Variants in CCSER1 observed in about 807,000 individuals in gnomAD.
The protein encoded by CCSER1 is coiled-coil serine rich protein 1.
A neutral mutation model predicts 82.0 loss-of-function variants in CCSER1; 41 were observed. The ratio of observed to expected loss-of-function variants is 0.50; its 90% CI spans 0.39 to 0.65. CCSER1 has a LOEUF of 0.65. Ranked by LOEUF, CCSER1 falls within the 30% of genes least tolerant of loss-of-function variation. The pLI is 0.00. For missense variants in CCSER1, 1,119 were observed against 1,064.2 expected (o/e 1.05, Z -0.72); for synonymous variants, 414 against 383.9 (o/e 1.08, Z -0.92).
intron 6 of CCSER1, among the ~76,000 whole-genome samples, chr4:90,674,285 C>A (rs2149166921): frequency 6.6e-6 from 1 of 152,026 alleles, no homozygotes; most frequent in African/African-American, 2.4e-5. Context: ...CCAGAGGAAT[C>A]ATTTACTCTT....
chr4:91,572,823 AAAG>A (rs1237442989), intron 10 of CCSER1, among the ~76,000 whole-genome samples: 11 of 152,068 alleles, frequency 7.2e-5, no homozygotes, highest in Middle Eastern at 3.4e-3. Flanking sequence ...AAAAAAAAAA[AAAG>A]AAGAAGCCTG....
chr4:90,827,928 A>G (rs1760673999), intron 8 of CCSER1, among the ~76,000 whole-genome samples: 1 of 152,152 alleles, frequency 6.6e-6, no homozygotes, highest in South Asian at 2.1e-4. Flanking sequence ...CCGAGGGGGA[A>G]GGGGATGTAG....
chr4:90,314,598 A>T (rs959107670), intron 3 of CCSER1, among the ~76,000 whole-genome samples: 3 of 151,900 alleles, frequency 2.0e-5, no homozygotes, highest in African/African-American at 7.3e-5. Flanking sequence ...CTAAAAAAAA[A>T]TTTAATAATT....
chr4:90,914,499 G>A (rs140530299), intron 8 of CCSER1, among the ~76,000 whole-genome samples: 6,375 of 152,080 alleles, frequency 0.042, 350 homozygotes, highest in African/African-American at 0.13. Context: ...AAAGCAGTGC[G>A]TTGAGGGAAA....
chr4:90,519,132 C>T (rs577340493), intron 5 of CCSER1, among the ~76,000 whole-genome samples: 70 of 151,788 alleles, frequency 4.6e-4, no homozygotes, highest in African/African-American at 1.7e-3. Flanking sequence ...TAACTTTCGC[C>T]ATAACTTCTA....
rs918706035 is a variant in CCSER1 at position 91,083,209 on chromosome 4, T to C, written c.2173-2741T>C. On this transcript the variant is annotated intron_variant, in intron 9 of 10. Transcript: ENST00000509176. The stretch of plus-strand genomic sequence containing the variant: ...GGATTAAGAAAATGTGGCACATATA[T>C]ACCATGGAATACTATGCAGCCATAA... Among the ~76,000 whole-genome samples, 6 of 152,090 alleles carry C rather than the reference T, an allele frequency of 3.9e-5. No individual in the cohort carries two copies. In the South Asian group the frequency reaches 8.3e-4, roughly 21 times the overall value.
intron 5 of CCSER1, among the ~76,000 whole-genome samples, chr4:90,474,507 G>A (rs1271200648): frequency 6.6e-6 from 1 of 152,130 alleles, no homozygotes; most frequent in East Asian, 1.9e-4. Flanking sequence ...AAATGGAGCC[G>A]ACTTGGGAGA....
chr4:90,449,387 G>A (rs1189876253), intron 4 of CCSER1, among the ~76,000 whole-genome samples: 3 of 152,192 alleles, frequency 2.0e-5, no homozygotes, highest in Non-Finnish European at 4.4e-5. Context: ...CACAAAACTG[G>A]CAGCCCAGTT....
intron 1 of CCSER1, among the ~76,000 whole-genome samples, chr4:90,276,448 G>A (rs1727838182): frequency 6.7e-6 from 1 of 149,916 alleles, no homozygotes; most frequent in Non-Finnish European, 1.5e-5. Context: ...CTGGATTCAA[G>A]CGATTCTCCT....
chr4:91,275,481 G>A (rs1237994449), intron 10 of CCSER1, among the ~76,000 whole-genome samples: 4 of 152,096 alleles, frequency 2.6e-5, no homozygotes, highest in South Asian at 2.1e-4. Flanking sequence ...TCTGACAAAT[G>A]TATATTAAGA....
chr4:91,051,390 G>A (rs1329298598), intron 9 of CCSER1, among the ~76,000 whole-genome samples: 1 of 152,052 alleles, frequency 6.6e-6, no homozygotes, highest in Non-Finnish European at 1.5e-5. Flanking sequence ...AACATCAATT[G>A]CTATTGGGGA....
intron 9 of CCSER1, among the ~76,000 whole-genome samples, chr4:91,084,986 C>G (rs904445346): frequency 2.0e-5 from 3 of 151,910 alleles, no homozygotes; most frequent in African/African-American, 7.2e-5. Flanking sequence ...ATATTGCACT[C>G]CCAGCATTAT....
chr4:90,549,014 C>G (rs571905641), intron 5 of CCSER1, among the ~76,000 whole-genome samples: 97 of 152,160 alleles, frequency 6.4e-4, no homozygotes, highest in Middle Eastern at 3.4e-3. Context: ...TAACAACAGT[C>G]TTAGGAACAC....
chr4:90,723,568 A>G (rs989618789), intron 6 of CCSER1, among the ~76,000 whole-genome samples: 4 of 151,944 alleles, frequency 2.6e-5, no homozygotes, highest in Non-Finnish European at 4.4e-5. Context: ...ATAGCAACAT[A>G]ATGAATTATT....
intron 10 of CCSER1, among the ~76,000 whole-genome samples, chr4:91,505,819 T>G (rs571693358): frequency 6.6e-6 from 1 of 152,260 alleles, no homozygotes; most frequent in African/African-American, 2.4e-5. Flanking sequence ...ATTTAAGTTC[T>G]GTATAGATTC....
chr4:90,196,725 A>G (rs754402768), intron 1 of CCSER1, among the ~76,000 whole-genome samples: 1 of 150,972 alleles, frequency 6.6e-6, no homozygotes, highest in African/African-American at 2.4e-5. Flanking sequence ...CTATTGCTCA[A>G]GCAATAGTAT....
At chr4:91,538,249 T>C (rs1439853068) in intron 10 of CCSER1, among the ~76,000 whole-genome samples, 3 of 152,062 alleles carry the variant, frequency 2.0e-5, no homozygotes, top group Non-Finnish European at 2.9e-5. Flanking sequence ...ATTTTGTTAC[T>C]TAACTATAAT....
intron 5 of CCSER1, among the ~76,000 whole-genome samples, chr4:90,607,148 G>A (rs1049766131): frequency 6.6e-5 from 10 of 152,070 alleles, no homozygotes; most frequent in African/African-American, 1.9e-4. Flanking sequence ...AAAATGTATT[G>A]CATTTTAACC....
At chr4:91,034,111 A>G (rs1333267346) in intron 9 of CCSER1, among the ~76,000 whole-genome samples, 1 of 152,184 alleles carries the variant, frequency 6.6e-6, no homozygotes, top group Non-Finnish European at 1.5e-5. Flanking sequence ...TGTCTCAATC[A>G]TTTTAGGATC....
Sources: gnomAD v4.1 joint callset for allele counts (sites outside exome capture counted in the v4.1 genomes callset) on GRCh38, gnomAD v4.1.1 for gene constraint, MANE v1.5 for transcripts, NCBI Gene and HGNC (gene_info 2026-07-23, HGNC 2026-07-21) for gene names.